The following RNF180 variants were observed in gnomAD, a reference collection of about 807,000 sequenced individuals.
RNF180 encodes E3 ubiquitin-protein ligase RNF180.
Under a neutral mutation model 59.2 loss-of-function variants are expected in RNF180, and 38 were observed. That is an observed-to-expected ratio of 0.64 (90% confidence interval 0.50 to 0.84). The LOEUF is 0.84. Ranked by LOEUF, RNF180 falls within the 40% of genes least tolerant of loss-of-function variation. The probability of loss-of-function intolerance (pLI) is 0.00; values close to 1 mark genes in which losing one functional copy is unlikely to be tolerated. For synonymous variants in RNF180, 262 were observed against 240.3 expected (o/e 1.09, Z -0.84); for missense variants, 705 against 700.9 (o/e 1.01, Z -0.07).
At chr5:64,299,115 C>T (rs1055121089) in intron 5 of RNF180, among the ~76,000 whole-genome samples, 6 of 151,826 alleles carry the variant, frequency 4.0e-5, no homozygotes, top group Admixed American at 6.6e-5. Flanking sequence ...TTGCGCCATG[C>T]GAGGACACAG....
intron 7 of RNF180, among the ~76,000 whole-genome samples, chr5:64,358,873 G>T (rs964849205): frequency 1.0e-4 from 15 of 149,704 alleles, no homozygotes; most frequent in Non-Finnish European, 2.2e-4. Context: ...CTATGAGTGA[G>T]AATATGCGGT....
chr5:64,298,979 T>C (rs1314465810), intron 5 of RNF180, among the ~76,000 whole-genome samples: 1 of 152,008 alleles, frequency 6.6e-6, no homozygotes, highest in African/African-American at 2.4e-5. Flanking sequence ...GACAAAATCC[T>C]AAGCCCCAAG....
In RNF180 at chr5:64,174,959, C is replaced by CTTTTTTTTTTTTT. The variant is rs370660214; in HGVS notation, c.-1+9020_-1+9032dup. Reference sequence around the variant, plus strand: ...TTACATTTAAGTCTTTAATCCAGTTCTTTTTTTTTTTTTTTTTTTTTTTTT... The same window carrying CTTTTTTTTTTTTT: ...TTACATTTAAGTCTTTAATCCAGTTCTTTTTTTTTTTTTTTTTTTTTTTTTTTTTTTTTTTTTT... On this transcript the variant is annotated intron_variant, in intron 1 of 7. Transcript: ENST00000389100. Among the ~76,000 whole-genome samples the CTTTTTTTTTTTTT allele has an allele frequency of 8.3e-5, 7 of 84,754 alleles. 1 individual carries two copies. The highest frequency in any genetic ancestry group is 3.0e-4 in the African/African-American group (6 of 20,258). The allele number at this position is 84,754 out of a possible 152,430, so 55.6% of individuals were successfully genotyped here.
chr5:64,201,009 T>A, intron 2 of RNF180, 67 bp downstream of exon 2: 1 of 1,219,992 alleles, frequency 8.2e-7, no homozygotes, highest in Non-Finnish European at 1.2e-6. Flanking sequence ...TCCACACACA[T>A]GCACACTTAT....
Position 64,244,638 on chromosome 5 carries a change from G to T in RNF180, c.1227+27242G>T, listed in dbSNP as rs1225638150. Among the ~76,000 whole-genome samples the T allele has an allele frequency of 5.9e-5, 9 of 152,322 alleles. No individual in the cohort carries two copies. In the East Asian group the frequency reaches 1.7e-3, roughly 29 times the overall value. ...TTGGTGTACCTGAAAGTGACGGGGAGAATGGAACCAAGTTGAAAAACACTC... is the reference window on the plus strand; with the variant it reads ...TTGGTGTACCTGAAAGTGACGGGGATAATGGAACCAAGTTGAAAAACACTC... On this transcript the variant is annotated intron_variant, in intron 5 of 7. Coordinates refer to ENST00000389100, the MANE Select transcript of RNF180 (RefSeq NM_001113561.2).
chr5:64,241,702 G>A (rs1436952358), intron 5 of RNF180, among the ~76,000 whole-genome samples: 2 of 152,164 alleles, frequency 1.3e-5, no homozygotes, highest in Non-Finnish European at 2.9e-5. Context: ...GTGAAAAGCT[G>A]TAGTACTTGG....
At chr5:64,187,945 T>C (rs1186803398) in intron 1 of RNF180, among the ~76,000 whole-genome samples, 1 of 152,184 alleles carries the variant, frequency 6.6e-6, no homozygotes, top group Non-Finnish European at 1.5e-5. Flanking sequence ...TTTTGCAGCA[T>C]TTCACAGATC....
chr5:64,260,397 A>G (rs1044040580), intron 5 of RNF180, among the ~76,000 whole-genome samples: 4 of 152,218 alleles, frequency 2.6e-5, no homozygotes, highest in Non-Finnish European at 2.9e-5. Flanking sequence ...TTGTAAAAGA[A>G]TAGTCTTTCT....
intron 7 of RNF180, among the ~76,000 whole-genome samples, chr5:64,355,681 A>T (rs932782356): frequency 1.3e-5 from 2 of 151,996 alleles, no homozygotes; most frequent in African/African-American, 4.8e-5. Context: ...ACAGTGTAGT[A>T]CTGCCATAAG....
At chr5:64,298,891 A>C (rs1645636731) in intron 5 of RNF180, among the ~76,000 whole-genome samples, 1 of 152,008 alleles carries the variant, frequency 6.6e-6, no homozygotes, top group African/African-American at 2.4e-5. Context: ...TGCTATAGCT[A>C]AACTCCCTAT....
chr5:64,369,321 G>A (rs866469952), intron 7 of RNF180, among the ~76,000 whole-genome samples: 4 of 151,842 alleles, frequency 2.6e-5, no homozygotes, highest in East Asian at 3.9e-4. Flanking sequence ...GGGGTGGGGC[G>A]AGTGGGAAGG....
chr5:64,319,300 T>C (rs1405622391), intron 5 of RNF180, among the ~76,000 whole-genome samples: 2 of 152,186 alleles, frequency 1.3e-5, no homozygotes, highest in Non-Finnish European at 2.9e-5. Flanking sequence ...TAAAGATTAT[T>C]CTTTATTTCA....
intron 1 of RNF180, among the ~76,000 whole-genome samples, chr5:64,198,473 G>A (rs1751565413): frequency 3.3e-5 from 5 of 152,210 alleles, no homozygotes; most frequent in South Asian, 4.1e-4. Flanking sequence ...CACACAGAGT[G>A]AATACAGTTT....
intron 5 of RNF180, among the ~76,000 whole-genome samples, chr5:64,257,205 C>T (rs996068483): frequency 6.6e-6 from 1 of 152,054 alleles, no homozygotes; most frequent in East Asian, 1.9e-4. Context: ...TATTTCTCCT[C>T]CCTGATTGCC....
At chr5:64,165,684 G>A (rs1173797171), upstream of RNF180, among the ~76,000 whole-genome samples, 1 of 152,150 alleles carries the variant, frequency 6.6e-6, no homozygotes, top group Non-Finnish European at 1.5e-5. Context: ...CGCCGCCCAC[G>A]CGCGGCTCGG....
At chr5:64,178,786 A>C (rs547854317) in intron 1 of RNF180, among the ~76,000 whole-genome samples, 1 of 152,202 alleles carries the variant, frequency 6.6e-6, no homozygotes, top group African/African-American at 2.4e-5. Flanking sequence ...CTGTACCTTC[A>C]CCATTCCAAC....
chr5:64,179,874 T>C (rs935280857), intron 1 of RNF180, among the ~76,000 whole-genome samples: 1 of 152,208 alleles, frequency 6.6e-6, no homozygotes, highest in Non-Finnish European at 1.5e-5. Flanking sequence ...GAGATTCTTC[T>C]TGTTGCTCCA....
chr5:64,313,560 G>T (rs1210787263), intron 5 of RNF180, among the ~76,000 whole-genome samples: 1 of 152,054 alleles, frequency 6.6e-6, no homozygotes, highest in African/African-American at 2.4e-5. Context: ...CTATTGATGG[G>T]CATTTGGGTT....
At chr5:64,249,822 A>C (rs1369349566) in intron 5 of RNF180, among the ~76,000 whole-genome samples, 1 of 152,228 alleles carries the variant, frequency 6.6e-6, no homozygotes, top group East Asian at 1.9e-4. Context: ...CTAAGTATAT[A>C]AAGTAAATAT....
Sources: gnomAD v4.1 joint callset for allele counts (sites outside exome capture counted in the v4.1 genomes callset) on GRCh38, gnomAD v4.1.1 for gene constraint, MANE v1.5 for transcripts, NCBI Gene and HGNC (gene_info 2026-07-23, HGNC 2026-07-21) for gene names.